Variants in DPYD observed in about 807,000 individuals in gnomAD.
The protein encoded by DPYD is dihydropyrimidine dehydrogenase [NADP(+)].
DPYD carries 109 observed loss-of-function variants against 116.2 expected under a neutral mutation model. That is an observed-to-expected ratio of 0.94 (90% CI 0.80 to 1.10). DPYD has a LOEUF of 1.10. Ranked by LOEUF, DPYD falls within the 50% of genes least tolerant of loss-of-function variation. DPYD has a pLI of 0.00. For missense variants in DPYD, 1,302 were observed against 1,254.5 expected (o/e 1.04, Z -0.57); for synonymous variants, 440 against 432.0 (o/e 1.02, Z -0.23).
chr1:97,673,995 A>C (rs1198756798), intron 8 of DPYD, among the ~76,000 whole-genome samples: 3 of 152,164 alleles, frequency 2.0e-5, no homozygotes, highest in Non-Finnish European at 4.4e-5. Flanking sequence ...CCAAATCAAG[A>C]AGAGCCTTGA....
chr1:97,307,062 T>C (rs1004115889), intron 16 of DPYD, among the ~76,000 whole-genome samples: 4 of 151,882 alleles, frequency 2.6e-5, no homozygotes, highest in African/African-American at 9.7e-5. Context: ...GGGGCAAGTA[T>C]CATTTAGAGG....
chr1:97,383,155 A>G (rs1241172007), intron 14 of DPYD, among the ~76,000 whole-genome samples: 2 of 152,062 alleles, frequency 1.3e-5, no homozygotes, highest in African/African-American at 4.8e-5. Context: ...TAAAATATGA[A>G]TAATCGTGCC....
chr1:97,798,354 AT>A (rs200553215), intron 3 of DPYD, among the ~76,000 whole-genome samples: 4,351 of 152,074 alleles, frequency 0.029, 204 homozygotes, highest in African/African-American at 0.095. Context: ...ATAACCACAA[AT>A]ATAAACATGG....
intron 13 of DPYD, among the ~76,000 whole-genome samples, chr1:97,513,967 G>A (rs754450482): frequency 1.7e-4 from 26 of 151,824 alleles, no homozygotes; most frequent in Non-Finnish European, 3.5e-4. Flanking sequence ...GCAATTTGCA[G>A]AAATATGTTT....
At chr1:97,687,650 C>A (rs763071774) in intron 7 of DPYD, among the ~76,000 whole-genome samples, 1 of 152,138 alleles carries the variant, frequency 6.6e-6, no homozygotes, top group Non-Finnish European at 1.5e-5. Flanking sequence ...GAATATAGAT[C>A]ATTCTGTTAT....
intron 20 of DPYD, among the ~76,000 whole-genome samples, chr1:97,112,588 A>G (rs1356433726): frequency 2.0e-5 from 3 of 152,094 alleles, no homozygotes; most frequent in African/African-American, 7.2e-5. Context: ...AGGCAACAAC[A>G]TCTTCTCTAA....
intron 18 of DPYD, among the ~76,000 whole-genome samples, chr1:97,287,338 T>TGGGAG (rs1032464440): frequency 6.6e-6 from 1 of 152,146 alleles, no homozygotes; most frequent in Non-Finnish European, 1.5e-5. Flanking sequence ...CTGCCCCTAC[T>TGGGAG]GGGAGGTGCC....
At chr1:97,790,046 T>A (rs1667233528) in intron 3 of DPYD, among the ~76,000 whole-genome samples, 1 of 152,128 alleles carries the variant, frequency 6.6e-6, no homozygotes. Flanking sequence ...GTGGGGCAGC[T>A]TTGGGGAAGG....
intron 14 of DPYD, 57 bp downstream of exon 14, chr1:97,450,002 A>G: frequency 1.3e-6 from 2 of 1,591,714 alleles, no homozygotes; most frequent in Non-Finnish European, 1.7e-6. Flanking sequence ...GGATGTTTAA[A>G]TAAACATTCA....
chr1:97,599,335 T>G (rs1655098899), intron 8 of DPYD, among the ~76,000 whole-genome samples: 1 of 152,198 alleles, frequency 6.6e-6, no homozygotes, highest in Non-Finnish European at 1.5e-5. Context: ...ATTCTTTCCT[T>G]GTGCTCACAT....
In DPYD at chr1:97,153,464, G is replaced by A. The variant is rs141355878; in HGVS notation, c.2622+39605C>T. On this transcript the variant is annotated intron_variant, in intron 20 of 22. Transcript: ENST00000370192. ...AAGCCACATGTAGAAGAAGGAAACT[G>A]GATCTTCATCTCTCACCTTACACAA... is the stretch of plus-strand genomic sequence containing the variant. 2.6e-5 allele frequency among the ~76,000 whole-genome samples: 4 copies of A among 152,134 alleles called. No individual in the cohort carries two copies. In the East Asian group the frequency reaches 7.8e-4, roughly 29 times the overall value.
intron 18 of DPYD, among the ~76,000 whole-genome samples, chr1:97,295,180 T>C (rs1359388422): frequency 1.3e-5 from 2 of 152,148 alleles, no homozygotes; most frequent in Admixed American, 6.6e-5. Flanking sequence ...ATGGGCCCAA[T>C]GGTATCCACC....
At position 97,866,750 on chromosome 1, in the gene DPYD, G is replaced by A. The variant is rs535844156; in HGVS notation, c.150+16514C>T. Among the ~76,000 whole-genome samples, 15 of 152,052 alleles carry A rather than the reference G, an allele frequency of 9.9e-5. No homozygotes were observed. The South Asian group carries it at 1.4e-3, about 15-fold the overall frequency. ...TGATGAATGTTACATATGATGTTGCGTGTTAGGAAAATTCACACTGAGTAG... is the reference window on the plus strand; with the variant it reads ...TGATGAATGTTACATATGATGTTGCATGTTAGGAAAATTCACACTGAGTAG... On this transcript the variant is annotated intron_variant, in intron 2 of 22. Coordinates refer to ENST00000370192, the MANE Select transcript of DPYD (RefSeq NM_000110.4).
At chr1:97,194,493 A>G (rs540859836) in intron 19 of DPYD, among the ~76,000 whole-genome samples, 3 of 151,976 alleles carry the variant, frequency 2.0e-5, no homozygotes, top group African/African-American at 7.2e-5. Flanking sequence ...AGTCTCAGGT[A>G]TATCTTTTTA....
intron 13 of DPYD, among the ~76,000 whole-genome samples, chr1:97,476,899 T>G (rs567854768): frequency 6.6e-6 from 1 of 152,342 alleles, no homozygotes; most frequent in African/African-American, 2.4e-5. Context: ...ATTAAGTGTG[T>G]AATAGCATTA....
intron 3 of DPYD, among the ~76,000 whole-genome samples, chr1:97,760,040 T>A (rs1461402769): frequency 6.6e-6 from 1 of 152,178 alleles, no homozygotes; most frequent in African/African-American, 2.4e-5. Flanking sequence ...AAGAACGATG[T>A]CTTCAACAGA....
At chr1:97,846,087 C>T (rs1398088525) in intron 2 of DPYD, among the ~76,000 whole-genome samples, 2 of 152,178 alleles carry the variant, frequency 1.3e-5, no homozygotes, top group African/African-American at 4.8e-5. Flanking sequence ...CCGAGAACAG[C>T]CTGCTGGGCC....
intron 19 of DPYD, among the ~76,000 whole-genome samples, chr1:97,217,948 G>A (rs1181352558): frequency 1.3e-5 from 2 of 152,132 alleles, no homozygotes; most frequent in Non-Finnish European, 2.9e-5. Flanking sequence ...AATGAGATAG[G>A]TACTATAACT....
intron 3 of DPYD, among the ~76,000 whole-genome samples, chr1:97,787,556 C>A (rs964249375): frequency 3.3e-5 from 5 of 152,078 alleles, no homozygotes; most frequent in Admixed American, 6.6e-5. Flanking sequence ...AAGAATAATT[C>A]TTGGCAAAGA....
Sources: gnomAD v4.1 joint callset for allele counts (sites outside exome capture counted in the v4.1 genomes callset) on GRCh38, gnomAD v4.1.1 for gene constraint, MANE v1.5 for transcripts, NCBI Gene and HGNC (gene_info 2026-07-23, HGNC 2026-07-21) for gene names.